PTPRD: variants seen among roughly 807,000 people sequenced by gnomAD.
The protein encoded by PTPRD is receptor-type tyrosine-protein phosphatase delta.
Under a neutral mutation model 214.5 loss-of-function variants are expected in PTPRD, and 34 were observed. That is an observed-to-expected ratio of 0.16 (90% CI 0.12 to 0.21). The LOEUF is 0.21. PTPRD is among the 10% of genes least tolerant of loss of function. The probability of loss-of-function intolerance (pLI) is 1.00; values close to 1 mark genes in which losing one functional copy is unlikely to be tolerated. For missense variants in PTPRD, 2,545 were observed against 2,398.7 expected (o/e 1.06, Z -1.27); for synonymous variants, 1,128 against 845.7 (o/e 1.33, Z -5.79).
intron 5 of PTPRD, among the ~76,000 whole-genome samples, chr9:9,853,926 G>T (rs758974306): frequency 4.6e-5 from 7 of 152,142 alleles, no homozygotes; most frequent in Non-Finnish European, 1.0e-4. Flanking sequence ...TTCCATCTGT[G>T]TATACACTGT....
At chr9:8,855,622 T>C (rs1416623877) in intron 11 of PTPRD, among the ~76,000 whole-genome samples, 1 of 152,204 alleles carries the variant, frequency 6.6e-6, no homozygotes, top group African/African-American at 2.4e-5. Context: ...AGATGATTTC[T>C]ATGCAAAGTA....
At chr9:8,724,569 T>G (rs1203506578) in intron 12 of PTPRD, among the ~76,000 whole-genome samples, 2 of 152,184 alleles carry the variant, frequency 1.3e-5, no homozygotes, top group East Asian at 3.9e-4. Flanking sequence ...AAGTCAGTGA[T>G]TCCTGCAGTT....
chr9:10,206,135 G>T (rs907974038), intron 3 of PTPRD, among the ~76,000 whole-genome samples: 1 of 151,624 alleles, frequency 6.6e-6, no homozygotes, highest in Admixed American at 6.6e-5. Flanking sequence ...TTAGGAGTTT[G>T]CAAGTAGATA....
intron 7 of PTPRD, among the ~76,000 whole-genome samples, chr9:9,684,978 C>T (rs139390674): frequency 7.9e-5 from 12 of 151,448 alleles, no homozygotes; most frequent in Non-Finnish European, 1.6e-4. Flanking sequence ...AATCTTATTT[C>T]GGTTGATAGC....
intron 37 of PTPRD, among the ~76,000 whole-genome samples, chr9:8,382,224 A>G (rs2085329430): frequency 6.6e-6 from 1 of 152,260 alleles, no homozygotes; most frequent in Non-Finnish European, 1.5e-5. Context: ...TACCAGTTGA[A>G]CATCAGCCTT....
intron 11 of PTPRD, among the ~76,000 whole-genome samples, chr9:8,852,417 T>C (rs2097837800): frequency 6.6e-6 from 1 of 152,232 alleles, no homozygotes. Context: ...TTAGCCTTTC[T>C]GGTCAATGAA....
At chr9:9,317,838 A>T (rs929381877) in intron 9 of PTPRD, among the ~76,000 whole-genome samples, 5 of 152,170 alleles carry the variant, frequency 3.3e-5, no homozygotes, top group Non-Finnish European at 5.9e-5. Context: ...GTGCATTTTC[A>T]TAATAACAAT....
At chr9:8,487,715 C>A (rs2097057206) in intron 27 of PTPRD, among the ~76,000 whole-genome samples, 1 of 152,096 alleles carries the variant, frequency 6.6e-6, no homozygotes, top group Non-Finnish European at 1.5e-5. Context: ...GAGGCTGAGG[C>A]AGGAGCATCA....
intron 8 of PTPRD, among the ~76,000 whole-genome samples, chr9:9,535,971 G>A (rs189139175): frequency 1.5e-4 from 23 of 152,064 alleles, no homozygotes; most frequent in African/African-American, 5.3e-4. Context: ...GAGAAATCTT[G>A]TTCCTAACCA....
chr9:9,825,951 A>T (rs931046987), intron 5 of PTPRD, among the ~76,000 whole-genome samples: 1 of 151,622 alleles, frequency 6.6e-6, no homozygotes, highest in Non-Finnish European at 1.5e-5. Flanking sequence ...TAATAATTCC[A>T]GGTTGATATC....
At chr9:9,117,452 C>A (rs759608375) in intron 10 of PTPRD, among the ~76,000 whole-genome samples, 1 of 152,026 alleles carries the variant, frequency 6.6e-6, no homozygotes, top group Admixed American at 6.6e-5. Flanking sequence ...TGGTGATACC[C>A]CACAAGACAC....
chr9:8,509,615 C>A (rs550545834), intron 21 of PTPRD, among the ~76,000 whole-genome samples: 1 of 152,148 alleles, frequency 6.6e-6, no homozygotes, highest in Non-Finnish European at 1.5e-5. Flanking sequence ...AATAAATTGA[C>A]ATTGATTGAA....
At chr9:9,322,913 C>A (rs939700498) in intron 9 of PTPRD, among the ~76,000 whole-genome samples, 3 of 152,148 alleles carry the variant, frequency 2.0e-5, no homozygotes, top group Admixed American at 2.0e-4. Flanking sequence ...TTTCTGTATG[C>A]ACATTTACTT....
At chr9:9,639,059 T>C (rs531779400) in intron 7 of PTPRD, among the ~76,000 whole-genome samples, 148 of 152,314 alleles carry the variant, frequency 9.7e-4, no homozygotes, top group African/African-American at 3.5e-3. Context: ...TTCCAACACA[T>C]ACATTTTGGA....
chr9:8,596,315 TA>T, intron 14 of PTPRD, among the ~76,000 whole-genome samples: 1 of 152,182 alleles, frequency 6.6e-6, no homozygotes, highest in Non-Finnish European at 1.5e-5. Flanking sequence ...GCATTTATAA[TA>T]CAGTCTCAAA....
chr9:10,365,424 G>A (rs563702725), intron 2 of PTPRD, among the ~76,000 whole-genome samples: 14 of 152,202 alleles, frequency 9.2e-5, no homozygotes, highest in Admixed American at 2.0e-4. Context: ...AATCTTCTTA[G>A]CACACACTTT....
chr9:10,156,078 TTG>T (rs71485323), intron 3 of PTPRD, among the ~76,000 whole-genome samples: 37,450 of 132,098 alleles, frequency 0.28, 4,711 homozygotes, highest in Middle Eastern at 0.4. Context: ...TTTTGAATGT[TTG>T]TGTGTGTGTG....
At chr9:10,077,562 T>C (rs530899934) in intron 3 of PTPRD, among the ~76,000 whole-genome samples, 43 of 152,236 alleles carry the variant, frequency 2.8e-4, no homozygotes, top group Middle Eastern at 6.8e-3. Flanking sequence ...TGCATGTCAC[T>C]GGGGTTTGGT....
intron 35 of PTPRD, among the ~76,000 whole-genome samples, chr9:8,420,207 T>C (rs1397181091): frequency 6.6e-6 from 1 of 152,040 alleles, no homozygotes; most frequent in Non-Finnish European, 1.5e-5. Flanking sequence ...AAGGGCAAAA[T>C]TTATGCATCA....
Sources: allele counts gnomAD v4.1 joint callset (sites outside exome capture counted in the v4.1 genomes callset), GRCh38; gene constraint gnomAD v4.1.1; transcripts MANE v1.5; gene names NCBI Gene and HGNC (gene_info 2026-07-23, HGNC 2026-07-21).